Variants in SLC25A40 observed in about 807,000 individuals in gnomAD.
SLC25A40 encodes mitochondrial glutathione transporter SLC25A40.
In SLC25A40, 41 loss-of-function variants were observed where a neutral mutation model predicts 46.5. That is an observed-to-expected ratio of 0.88 (90% CI 0.69 to 1.14). SLC25A40 has a LOEUF of 1.14. Ranked by LOEUF, SLC25A40 falls within the 50% of genes most tolerant of loss-of-function variation. The pLI, the probability that SLC25A40 is intolerant of heterozygous loss-of-function variation, is 0.00. For missense variants in SLC25A40, 386 were observed against 393.6 expected (o/e 0.98, Z 0.16); for synonymous variants, 126 against 127.5 (o/e 0.99, Z 0.08).
At chr7:87,844,655 G>C (rs1181463053) in intron 8 of SLC25A40, among the ~76,000 whole-genome samples, 1 of 151,770 alleles carries the variant, frequency 6.6e-6, no homozygotes, top group Admixed American at 6.6e-5. Context: ...AAAATAGTAA[G>C]ACAAAGCAGA....
intron 6 of SLC25A40, 76 bp downstream of exon 6, chr7:87,849,805 C>A (rs953258948): frequency 3.6e-6 from 4 of 1,101,570 alleles, no homozygotes; most frequent in Non-Finnish European, 3.9e-6. Flanking sequence ...AAATGCAAGA[C>A]TTTGTCCAAC....
Position 87,849,936 on chromosome 7 carries a change from T to TA in SLC25A40, c.276dup (p.Lys93Ter). 1 of 1,597,194 alleles carries TA rather than the reference T, an allele frequency of 6.3e-7. No homozygotes were observed. The highest frequency in any genetic ancestry group is 1.1e-5 in the South Asian group (1 of 87,244). On this transcript the variant is annotated frameshift_variant, in exon 6 of 12. Coordinates refer to ENST00000341119, the MANE Select transcript of SLC25A40 (RefSeq NM_018843.4). LOFTEE classifies it high-confidence loss of function. Reference sequence around the variant, plus strand: ...TTAATGCCCTCATTTCGAATGATTTTAAAAAATGCATCCTAAAGTTATAAT... The same window carrying TA: ...TTAATGCCCTCATTTCGAATGATTTTAAAAAAATGCATCCTAAAGTTATAAT...
intron 1 of SLC25A40, among the ~76,000 whole-genome samples, chr7:87,870,551 T>C (rs959127189): frequency 3.3e-5 from 5 of 152,042 alleles, no homozygotes; most frequent in African/African-American, 1.2e-4. Flanking sequence ...GATCCCTGTT[T>C]TCCCACTTGA....
chr7:87,864,332 TTA>T (rs574089117), intron 1 of SLC25A40, among the ~76,000 whole-genome samples: 148 of 152,342 alleles, frequency 9.7e-4, no homozygotes, highest in Admixed American at 4.2e-3. Context: ...CCTTAAATAT[TTA>T]TGTTAGAAAG....
chr7:87,833,988 T>A lies in SLC25A40; in HGVS notation c.*2261A>T, dbSNP rs1454702366. The A allele has an allele frequency of 6.6e-6, 1 of 151,938 alleles. No individual in the cohort carries two copies. Among genetic ancestry groups the A allele is most frequent in the Non-Finnish European group, 1.5e-5 (1 of 67,900 alleles). 9.4% of individuals were successfully genotyped at this position (151,938 alleles called of 1,614,324 possible). ...TACTTTAAAGGTTGCAACCATCTCATATTGAAAATTAAAGATGTTCCTTCC... is the reference window on the plus strand; with the variant it reads ...TACTTTAAAGGTTGCAACCATCTCAAATTGAAAATTAAAGATGTTCCTTCC... On this transcript the variant is annotated 3_prime_UTR_variant, in exon 12 of 12. Transcript: ENST00000341119.
At chr7:87,861,376 T>C (rs750913799) in intron 1 of SLC25A40, among the ~76,000 whole-genome samples, 10 of 152,202 alleles carry the variant, frequency 6.6e-5, no homozygotes, top group Non-Finnish European at 1.5e-4. Context: ...TTAGATAATA[T>C]TTCAGAAATC....
At chr7:87,844,649 T>C (rs1425797956) in intron 8 of SLC25A40, among the ~76,000 whole-genome samples, 2 of 151,756 alleles carry the variant, frequency 1.3e-5, no homozygotes, top group South Asian at 4.1e-4. Context: ...ACCAAAAAAA[T>C]AGTAAGACAA....
At chr7:87,871,681 C>G (rs189693077) in intron 1 of SLC25A40, among the ~76,000 whole-genome samples, 125 of 152,142 alleles carry the variant, frequency 8.2e-4, no homozygotes, top group African/African-American at 3.0e-3. Flanking sequence ...GATGTTTTAT[C>G]CTTTGTATAT....
chr7:87,870,388 T>C (rs1020748732), intron 1 of SLC25A40, among the ~76,000 whole-genome samples: 1 of 152,108 alleles, frequency 6.6e-6, no homozygotes, highest in Non-Finnish European at 1.5e-5. Flanking sequence ...TATAAAAGAC[T>C]GTGATGTCCA....
At chr7:87,865,146 G>A (rs1041233432) in intron 1 of SLC25A40, among the ~76,000 whole-genome samples, 3 of 151,704 alleles carry the variant, frequency 2.0e-5, no homozygotes, top group Admixed American at 6.6e-5. Flanking sequence ...CTGGTCTAAC[G>A]CATTGCTTGT....
intron 1 of SLC25A40, among the ~76,000 whole-genome samples, chr7:87,863,910 T>C (rs1011300806): frequency 2.0e-5 from 3 of 152,200 alleles, no homozygotes; most frequent in Admixed American, 6.5e-5. Context: ...CTTCATGAGA[T>C]CCACTTTTTT....
intron 1 of SLC25A40, among the ~76,000 whole-genome samples, chr7:87,871,077 C>G (rs1838888955): frequency 6.6e-6 from 1 of 152,174 alleles, no homozygotes; most frequent in Non-Finnish European, 1.5e-5. Flanking sequence ...TTGCTGGCGC[C>G]CAAAAGCACT....
intron 11 of SLC25A40, among the ~76,000 whole-genome samples, 161 bp downstream of exon 11, chr7:87,836,569 A>C (rs1466049879): frequency 6.6e-6 from 1 of 151,492 alleles, no homozygotes; most frequent in Non-Finnish European, 1.5e-5. Context: ...TATTGATAGT[A>C]AATCTTTTAT....
In SLC25A40 at chr7:87,849,880, C is replaced by A; in HGVS notation, c.332+1G>T. The A allele has an allele frequency of 6.4e-7, 1 of 1,574,666 alleles. No individual in the cohort carries two copies. Among genetic ancestry groups the A allele is most frequent in the Non-Finnish European group, 8.6e-7 (1 of 1,160,780 alleles). ...AGAAAAAACATTAAATTTCAACTTA[C>A]AGGGTAGGAGGAAGGCCACTCCATA... On this transcript the variant is annotated splice_donor_variant, in intron 6 of 11. Transcript: ENST00000341119. LOFTEE classifies it high-confidence loss of function.
intron 6 of SLC25A40, 72 bp downstream of exon 6, chr7:87,849,809 G>C: frequency 8.9e-7 from 1 of 1,125,516 alleles, no homozygotes; most frequent in Non-Finnish European, 1.3e-6. Context: ...GCAAGACTTT[G>C]TCCAACCATG....
At chr7:87,871,442 G>T (rs1838894391) in intron 1 of SLC25A40, among the ~76,000 whole-genome samples, 1 of 152,174 alleles carries the variant, frequency 6.6e-6, no homozygotes, top group Non-Finnish European at 1.5e-5. Flanking sequence ...TCACTGCACT[G>T]TCCTGAGAGA....
intron 10 of SLC25A40, among the ~76,000 whole-genome samples, chr7:87,837,697 A>G (rs1032841721): frequency 8.6e-5 from 13 of 151,172 alleles, no homozygotes; most frequent in African/African-American, 2.9e-4. Context: ...CCCACAGACT[A>G]CTAGATGCAA....
chr7:87,848,983 A>G (rs1838465199), intron 6 of SLC25A40, among the ~76,000 whole-genome samples: 1 of 152,262 alleles, frequency 6.6e-6, no homozygotes, highest in South Asian at 2.1e-4. Flanking sequence ...TCTTGGGAAT[A>G]AATGAGACAG....
intron 5 of SLC25A40, among the ~76,000 whole-genome samples, chr7:87,853,048 A>C (rs1041472241): frequency 1.9e-4 from 29 of 152,230 alleles, no homozygotes; most frequent in African/African-American, 6.0e-4. Flanking sequence ...GAGGATGAAA[A>C]GACAAACTAG....
Sources: gnomAD v4.1 joint callset for allele counts (sites outside exome capture counted in the v4.1 genomes callset) on GRCh38, gnomAD v4.1.1 for gene constraint, MANE v1.5 for transcripts, NCBI Gene and HGNC (gene_info 2026-07-23, HGNC 2026-07-21) for gene names.